C12orf42: variants seen among roughly 807,000 people sequenced by gnomAD.
C12orf42 encodes the protein chromosome 12 open reading frame 42, also known as uncharacterized protein C12orf42.
C12orf42 carries 25 observed loss-of-function variants against 21.6 expected under a neutral mutation model. That is an observed-to-expected ratio of 1.16 (90% confidence interval 0.84 to 1.62). The LOEUF is 1.62. Ranked by LOEUF, C12orf42 falls within the 40% of genes most tolerant of loss-of-function variation. The pLI is 0.00. For missense variants in C12orf42, 483 were observed against 459.3 expected, an observed-to-expected ratio of 1.05 and a Z score of -0.47; for synonymous variants, 174 against 175.0, an observed-to-expected ratio of 0.99 and a Z score of 0.05.
rs1342298797 is a variant in C12orf42 at position 103,306,013 on chromosome 12, G to A, written c.592C>T (p.Pro198Ser). Residue 198 changes from proline to serine, a missense_variant, in exon 5 of 6, where the codon CCT (proline) becomes TCT (serine). Transcript: ENST00000548883. ...GGACTGCTCAAGGGCTGGCCCTTAG[G>A]TCTTGTGTGTCTACTGATGTGTATG... ...QGIHISRHTRPKGQPLSSPKK... is the reference protein window; with the variant it reads ...QGIHISRHTRSKGQPLSSPKK... The A allele has an allele frequency of 6.2e-7, 1 of 1,613,226 alleles. No individual in the cohort carries two copies. Among genetic ancestry groups the A allele is most frequent in the Non-Finnish European group, 8.5e-7 (1 of 1,179,220 alleles).
the C12orf42 span, among the ~76,000 whole-genome samples, chr12:103,187,252 A>C: frequency 6.6e-6 from 1 of 152,188 alleles, no homozygotes; most frequent in Admixed American, 6.5e-5. Flanking sequence ...AGTTTTACAG[A>C]TTAACTCATT....
the C12orf42 span, among the ~76,000 whole-genome samples, chr12:103,135,027 T>C: frequency 6.6e-6 from 1 of 152,136 alleles, no homozygotes; most frequent in Non-Finnish European, 1.5e-5. Flanking sequence ...GGGTGCTATA[T>C]GCAGCAAAAT....
At chr12:103,443,645 C>A (rs892636267) in intron 2 of C12orf42, among the ~76,000 whole-genome samples, 3 of 152,010 alleles carry the variant, frequency 2.0e-5, no homozygotes, top group Non-Finnish European at 2.9e-5. Context: ...GCAGGTCAAA[C>A]AAAACATATC....
chr12:103,174,067 G>A, the C12orf42 span, among the ~76,000 whole-genome samples: 1 of 152,174 alleles, frequency 6.6e-6, no homozygotes, highest in Non-Finnish European at 1.5e-5. Context: ...TGCCTCTATT[G>A]ACTAATAAAT....
At chr12:103,167,879 CGTGTGT>C in the C12orf42 span, among the ~76,000 whole-genome samples, 3,936 of 133,988 alleles carry the variant, frequency 0.029, 66 homozygotes, top group Middle Eastern at 0.085. Flanking sequence ...GAGGGGTGGG[CGTGTGT>C]GTGTGTGTGT....
intron 2 of C12orf42, among the ~76,000 whole-genome samples, chr12:103,433,392 A>C (rs1950410926): frequency 6.6e-6 from 1 of 152,258 alleles, no homozygotes; most frequent in African/African-American, 2.4e-5. Context: ...TGGTGACACC[A>C]TCTGAACTCA....
At chr12:103,216,437 C>T in the C12orf42 span, among the ~76,000 whole-genome samples, 1 of 151,000 alleles carries the variant, frequency 6.6e-6, no homozygotes, top group African/African-American at 2.4e-5. Flanking sequence ...GTGGCACAAT[C>T]TCTGCTCGCT....
At chr12:103,240,541 T>C (rs1462884967) in intron 10 of C12orf42, among the ~76,000 whole-genome samples, 1 of 152,192 alleles carries the variant, frequency 6.6e-6, no homozygotes, top group Non-Finnish European at 1.5e-5. Context: ...ACTGAATTAA[T>C]AGTGCACTCA....
the C12orf42 span, among the ~76,000 whole-genome samples, chr12:103,131,304 T>C: frequency 6.6e-6 from 1 of 152,234 alleles, no homozygotes; most frequent in Non-Finnish European, 1.5e-5. Context: ...GAGGAATATA[T>C]ATAAAACCTG....
chr12:103,474,578 C>T (rs1002766789), intron 2 of C12orf42, among the ~76,000 whole-genome samples: 6 of 147,970 alleles, frequency 4.1e-5, no homozygotes, highest in African/African-American at 1.2e-4. Context: ...TCTAAAGAAC[C>T]ATGATAAGTT....
chr12:103,087,611 G>A, the C12orf42 span, among the ~76,000 whole-genome samples: 1 of 152,210 alleles, frequency 6.6e-6, no homozygotes, highest in Non-Finnish European at 1.5e-5. Flanking sequence ...CACTTACTGA[G>A]CACTTATATG....
At chr12:103,134,260 A>G in the C12orf42 span, among the ~76,000 whole-genome samples, 1 of 152,206 alleles carries the variant, frequency 6.6e-6, no homozygotes. Context: ...ACAGATTCCT[A>G]ACAAAAAGAA....
chr12:103,248,737 A>G (rs2034135676), intron 10 of C12orf42, among the ~76,000 whole-genome samples: 1 of 152,080 alleles, frequency 6.6e-6, no homozygotes, highest in African/African-American at 2.4e-5. Flanking sequence ...TAGCTGTGAG[A>G]CCTTGCACAA....
chr12:103,420,638 T>C (rs1566286361), intron 2 of C12orf42, among the ~76,000 whole-genome samples: 1 of 152,092 alleles, frequency 6.6e-6, no homozygotes, highest in Non-Finnish European at 1.5e-5. Context: ...CATGTGATTC[T>C]CCTCCCTAAG....
chr12:103,218,826 A>T, the C12orf42 span, among the ~76,000 whole-genome samples: 4 of 152,340 alleles, frequency 2.6e-5, no homozygotes, highest in South Asian at 6.2e-4. Flanking sequence ...GAATTGCAAA[A>T]AATTAAAAAA....
chr12:103,363,486 C>T (rs2044302363), intron 4 of C12orf42, among the ~76,000 whole-genome samples: 1 of 152,024 alleles, frequency 6.6e-6, no homozygotes, highest in Admixed American at 6.6e-5. Flanking sequence ...TGGATTAGTA[C>T]CTCACATCTC....
chr12:103,073,963 C>T, the C12orf42 span, among the ~76,000 whole-genome samples: 2 of 151,998 alleles, frequency 1.3e-5, no homozygotes, highest in African/African-American at 2.4e-5. Flanking sequence ...TCCTCATGGC[C>T]GAATTTGAAC....
the C12orf42 span, among the ~76,000 whole-genome samples, chr12:103,196,915 T>C: frequency 6.6e-5 from 10 of 152,212 alleles, no homozygotes; most frequent in Admixed American, 5.9e-4. Flanking sequence ...CCCATTTACA[T>C]TTAAGACTCA....
the C12orf42 span, among the ~76,000 whole-genome samples, chr12:103,159,191 C>A: frequency 7.2e-5 from 11 of 152,246 alleles, no homozygotes; most frequent in East Asian, 2.1e-3. Context: ...ATAAAGGCTA[C>A]AATTAGACTG....
Sources: allele counts gnomAD v4.1 joint callset (sites outside exome capture counted in the v4.1 genomes callset), GRCh38; gene constraint gnomAD v4.1.1; transcripts MANE v1.5; gene names NCBI Gene and HGNC (gene_info 2026-07-23, HGNC 2026-07-21).